The following COL4A6 variants were observed in gnomAD, a reference collection of about 807,000 sequenced individuals.
COL4A6 encodes the protein collagen alpha-6(IV) chain.
In COL4A6, 59 loss-of-function variants were observed where a neutral mutation model predicts 126.7. That is an observed-to-expected ratio of 0.47 (90% CI 0.38 to 0.58). The LOEUF is 0.58. COL4A6 is among the 20% of genes least tolerant of loss of function. The pLI, the probability that COL4A6 is intolerant of heterozygous loss-of-function variation, is 0.00. For synonymous variants in COL4A6, 547 were observed against 496.6 expected (o/e 1.10, Z -1.35); for missense variants, 1,285 against 1,337.3 (o/e 0.96, Z 0.61).
intron 27 of COL4A6, among the ~76,000 whole-genome samples, chrX:108,177,737 G>T (rs111397578): frequency 3.6e-5 from 4 of 111,897 alleles, no homozygotes; most frequent in African/African-American, 1.3e-4. Context: ...GAGGTATTTG[G>T]GTCCCCAAGG....
rs760431822 is a variant in COL4A6 at position 108,311,518 on chromosome X, T to G, written c.64-690A>C. 5.4e-5 allele frequency among the ~76,000 whole-genome samples: 6 copies of G among 111,496 alleles called. No homozygotes were observed. The South Asian group carries it at 2.3e-3, about 43-fold the overall frequency. ...CAACCTCATCTCCTTTCTCTCTGGCTCACTCTGCTTCAGTCACACAGGAGG... is the reference window on the plus strand; with the variant it reads ...CAACCTCATCTCCTTTCTCTCTGGCGCACTCTGCTTCAGTCACACAGGAGG... On this transcript the variant is annotated intron_variant, in intron 2 of 44. Transcript: ENST00000334504.
intron 3 of COL4A6, among the ~76,000 whole-genome samples, chrX:108,245,808 T>C (rs2036704555): frequency 8.9e-6 from 1 of 111,947 alleles, no homozygotes; most frequent in Non-Finnish European, 1.9e-5. Flanking sequence ...AGTTCTGAGA[T>C]GCAACTCAAA....
intron 2 of COL4A6, among the ~76,000 whole-genome samples, chrX:108,361,296 A>G (rs1033793969): frequency 9.0e-6 from 1 of 111,485 alleles, no homozygotes; most frequent in African/African-American, 3.3e-5. Flanking sequence ...TAACTGCACA[A>G]ATAGATTACT....
Position 108,187,080 on chromosome X carries a change from T to C in COL4A6, c.1951+16A>G, listed in dbSNP as rs1458209684. On this transcript the variant is annotated intron_variant, in intron 23 of 44. Transcript: ENST00000334504. ...TCAAATTTCCAAGTCCAAAGCCATC[T>C]GATTCTATGACTCACCCTTAGATCC... 3.6e-6 allele frequency: 4 copies of C among 1,108,045 alleles called. No homozygotes were observed. Among genetic ancestry groups the C allele is most frequent in the Non-Finnish European group, 4.8e-6 (4 of 837,383 alleles). 91.3% of individuals were successfully genotyped at this position (1,108,045 alleles called of 1,213,427 possible). A position where few individuals can be genotyped will look rare whatever the true frequency, so the allele number is the denominator to read the frequency against.
chrX:108,302,698 C>G (rs1425353470), intron 3 of COL4A6, among the ~76,000 whole-genome samples: 1 of 110,649 alleles, frequency 9.0e-6, no homozygotes, highest in Non-Finnish European at 1.9e-5. Flanking sequence ...CAAGGACACC[C>G]CTCCATCTTG....
intron 2 of COL4A6, among the ~76,000 whole-genome samples, chrX:108,353,096 A>G (rs917146268): frequency 4.5e-5 from 5 of 111,868 alleles, no homozygotes; most frequent in Non-Finnish European, 9.4e-5. Context: ...ATAAGAAGAA[A>G]AAAAGGCTAG....
chrX:108,396,128 T>C (rs1056457877), intron 2 of COL4A6, among the ~76,000 whole-genome samples: 21 of 111,736 alleles, frequency 1.9e-4, no homozygotes, highest in Non-Finnish European at 3.8e-4. Context: ...AATAATTATA[T>C]AGAATTATTA....
intron 2 of COL4A6, among the ~76,000 whole-genome samples, chrX:108,403,758 T>A (rs2058986977): frequency 9.0e-6 from 1 of 111,666 alleles, no homozygotes; most frequent in East Asian, 2.8e-4. Flanking sequence ...ATAAATCTGC[T>A]CATTATTGTT....
intron 2 of COL4A6, among the ~76,000 whole-genome samples, chrX:108,343,159 ATATATAGTGTGTGT>A (rs1319741676): frequency 1.5e-4 from 10 of 68,948 alleles, no homozygotes; most frequent in East Asian, 5.9e-4. Context: ...ATATATATAT[ATATATAGTGTGTGT>A]GTGTGTGTGT....
chrX:108,348,307 G>A (rs1320786139), intron 2 of COL4A6, among the ~76,000 whole-genome samples: 4 of 111,623 alleles, frequency 3.6e-5, no homozygotes, highest in Admixed American at 2.9e-4. Context: ...ATAATAATCT[G>A]TGATAGCTTT....
At position 108,346,896 on chromosome X, in the gene COL4A6, G is replaced by A. The variant is rs572839448; in HGVS notation, c.64-36068C>T. 2.7e-4 allele frequency among the ~76,000 whole-genome samples: 30 copies of A among 112,134 alleles called. 1 individual carries two copies. The South Asian group carries it at 0.011, about 40-fold the overall frequency. On this transcript the variant is annotated intron_variant, in intron 2 of 44. Transcript: ENST00000334504. ...GGGTCAGGTCAAGATATAAATGTTT[G>A]CAAAGCGAAATCATAAGGAGCACCT...
chrX:108,244,712 T>A (rs958399734), intron 3 of COL4A6, among the ~76,000 whole-genome samples: 1 of 111,680 alleles, frequency 9.0e-6, no homozygotes, highest in Admixed American at 9.5e-5. Flanking sequence ...TTAGGTTGGT[T>A]CAACTGTCCT....
At chrX:108,342,144 C>T (rs758141108) in intron 2 of COL4A6, among the ~76,000 whole-genome samples, 56 of 111,927 alleles carry the variant, frequency 5.0e-4, no homozygotes, top group Non-Finnish European at 8.5e-4. Flanking sequence ...ATCCTGAAGA[C>T]GGATGGATCA....
intron 2 of COL4A6, among the ~76,000 whole-genome samples, chrX:108,330,342 T>C (rs2039266338): frequency 9.0e-6 from 1 of 111,324 alleles, no homozygotes; most frequent in South Asian, 3.8e-4. Flanking sequence ...GCTTTGAAAA[T>C]ATTCATGTGC....
At chrX:108,368,028 TC>T (rs772084771) in intron 2 of COL4A6, among the ~76,000 whole-genome samples, 17 of 110,911 alleles carry the variant, frequency 1.5e-4, no homozygotes, top group African/African-American at 3.3e-4. Context: ...TTTTTTTTTT[TC>T]ATTAGTATAT....
At chrX:108,341,922 C>T (rs1195574837) in intron 2 of COL4A6, among the ~76,000 whole-genome samples, 1 of 112,251 alleles carries the variant, frequency 8.9e-6, no homozygotes, top group Admixed American at 9.4e-5. Flanking sequence ...AGCAGAGGTT[C>T]CAGGCTGAAA....
intron 32 of COL4A6, 111 bp from the exon 33 acceptor site, chrX:108,171,572 G>T: frequency 1.7e-6 from 1 of 596,530 alleles, no homozygotes; most frequent in Non-Finnish European, 2.6e-6. Context: ...AGCCAGAGGA[G>T]CTCCTTGACA....
chrX:108,187,075 C>T, intron 23 of COL4A6, 21 bp downstream of exon 23: 1 of 1,102,948 alleles, frequency 9.1e-7, no homozygotes, highest in Non-Finnish European at 1.2e-6. Flanking sequence ...AAGTCCAAAG[C>T]CATCTGATTC....
intron 3 of COL4A6, among the ~76,000 whole-genome samples, chrX:108,296,969 G>A (rs73253678): frequency 3.6e-5 from 4 of 111,992 alleles, no homozygotes; most frequent in Admixed American, 9.4e-5. Context: ...GTAAGATGAG[G>A]ACTGAGAGAT....
Sources: allele counts gnomAD v4.1 joint callset (sites outside exome capture counted in the v4.1 genomes callset), GRCh38; gene constraint gnomAD v4.1.1; transcripts MANE v1.5; gene names NCBI Gene and HGNC (gene_info 2026-07-23, HGNC 2026-07-21).